Variants in PLA2G7 observed in about 807,000 individuals in gnomAD.
The protein encoded by PLA2G7 is phospholipase A2 group VII.
A neutral mutation model predicts 49.6 loss-of-function variants in PLA2G7; 63 were observed. The observed-to-expected ratio is 1.27, with a 90% CI of 1.04 to 1.57. The LOEUF (loss-of-function observed/expected upper bound fraction) is 1.57. Among genes scored for constraint, PLA2G7 ranks in the 40% most tolerant of loss-of-function variants. PLA2G7 has a pLI of 0.00. For missense variants in PLA2G7, 596 were observed against 521.2 expected, an observed-to-expected ratio of 1.14 and a Z score of -1.40; for synonymous variants, 193 against 169.9, an observed-to-expected ratio of 1.14 and a Z score of -1.06.
chr6:46,717,632 G>A (rs575716219), intron 2 of PLA2G7, among the ~76,000 whole-genome samples: 1 of 151,850 alleles, frequency 6.6e-6, no homozygotes, highest in East Asian at 1.9e-4. Flanking sequence ...CCAGAAACCT[G>A]GGAATCATCC....
intron 10 of PLA2G7, among the ~76,000 whole-genome samples, chr6:46,705,776 A>G (rs1027000895): frequency 1.3e-5 from 2 of 152,198 alleles, no homozygotes; most frequent in Admixed American, 6.5e-5. Context: ...CCAGTATTAA[A>G]CTGTAAGCAC....
chr6:46,712,888 G>C (rs532637000), intron 5 of PLA2G7, among the ~76,000 whole-genome samples: 1 of 152,188 alleles, frequency 6.6e-6, no homozygotes, highest in Non-Finnish European at 1.5e-5. Flanking sequence ...ACAAGAATGA[G>C]ACCTGCAGTC....
intron 2 of PLA2G7, among the ~76,000 whole-genome samples, chr6:46,721,142 G>A (rs1304317505): frequency 3.9e-5 from 6 of 152,122 alleles, no homozygotes; most frequent in Admixed American, 3.9e-4. Flanking sequence ...CTGGGTTCAA[G>A]CAATTCTCCT....
intron 2 of PLA2G7, among the ~76,000 whole-genome samples, chr6:46,721,071 C>T (rs544386357): frequency 5.9e-5 from 9 of 152,276 alleles, no homozygotes; most frequent in South Asian, 4.1e-4. Flanking sequence ...GACAGAGTCT[C>T]GCTCTGTAGC....
intron 2 of PLA2G7, among the ~76,000 whole-genome samples, chr6:46,719,915 AC>A (rs765412528): frequency 3.3e-5 from 5 of 152,092 alleles, no homozygotes; most frequent in Non-Finnish European, 7.4e-5. Context: ...AACCCCAGAA[AC>A]TTTTTTTTTA....
chr6:46,716,921 T>C (rs1582574184), intron 3 of PLA2G7, 54 bp downstream of exon 3: 6 of 1,573,132 alleles, frequency 3.8e-6, no homozygotes, highest in Non-Finnish European at 5.2e-6. Flanking sequence ...TAGTGGTCCA[T>C]AGCGACAGAC....
intron 1 of PLA2G7, 41 bp from the exon 2 acceptor site, chr6:46,722,966 G>T: frequency 1.2e-6 from 1 of 813,786 alleles, no homozygotes. Context: ...AGTATGCAAT[G>T]AAGAGGCCTT....
At chr6:46,711,802 G>A (rs1765033034) in intron 6 of PLA2G7, among the ~76,000 whole-genome samples, 183 bp from the exon 7 acceptor site, 1 of 151,942 alleles carries the variant, frequency 6.6e-6, no homozygotes, top group African/African-American at 2.4e-5. Context: ...AAACCTTATT[G>A]TCTATCATCA....
At chr6:46,724,672 T>G (rs1317767540) in intron 1 of PLA2G7, among the ~76,000 whole-genome samples, 2 of 152,216 alleles carry the variant, frequency 1.3e-5, no homozygotes, top group Non-Finnish European at 2.9e-5. Flanking sequence ...TTCCTTTCCC[T>G]GACACAGCAA....
At chr6:46,711,356 A>T (rs968309320) in intron 7 of PLA2G7, 140 bp downstream of exon 7, 2 of 950,022 alleles carry the variant, frequency 2.1e-6, no homozygotes, top group Non-Finnish European at 3.4e-6. Context: ...TGCTCCAGGA[A>T]TCTATTGACA....
chr6:46,717,253 T>C (rs979935516), intron 2 of PLA2G7, among the ~76,000 whole-genome samples, 157 bp from the exon 3 acceptor site: 2 of 152,226 alleles, frequency 1.3e-5, no homozygotes, highest in African/African-American at 4.8e-5. Flanking sequence ...GAGGGTCTGC[T>C]CTGTTTGAAA....
Position 46,704,263 on chromosome 6 carries a change from T to TCAG in PLA2G7, c.*296_*297insCTG, listed in dbSNP as rs1764706120. The TCAG allele has an allele frequency of 3.0e-4, 92 of 311,148 alleles. 1 individual carries two copies. The South Asian group carries it at 3.5e-3, about 12-fold the overall frequency. The allele number at this position is 311,148 out of a possible 1,614,324, so 19.3% of individuals were successfully genotyped here. On this transcript the variant is annotated 3_prime_UTR_variant, in exon 12 of 12. Coordinates refer to ENST00000274793, the MANE Select transcript of PLA2G7 (RefSeq NM_005084.4). The stretch of plus-strand genomic sequence containing the variant: ...TGTCAAAGTAATGTAAAAACAGTTT[T>TCAG]TAACTTCGACACTGAAAAGGAATCA...
rs371433471 is a variant in PLA2G7, at chr6:46,711,479, C to T, written c.663+17G>A. On this transcript the variant is annotated intron_variant, in intron 7 of 11. Transcript: ENST00000274793. ...GCTTTTAGGTCACCAACCACCTCTC[C>T]TTTCACTGCAATGTACCTGCTCATT... 1 of 1,613,114 alleles carries T rather than the reference C, an allele frequency of 6.2e-7. No homozygotes were observed. Among genetic ancestry groups the T allele is most frequent in the African/African-American group, 1.3e-5 (1 of 74,882 alleles).
intron 4 of PLA2G7, 102 bp downstream of exon 4, chr6:46,716,282 T>G: frequency 8.5e-7 from 1 of 1,177,152 alleles, no homozygotes; most frequent in Non-Finnish European, 1.3e-6. Context: ...CTATTTGGAC[T>G]GAAGAAAAAT....
intron 8 of PLA2G7, among the ~76,000 whole-genome samples, chr6:46,709,868 A>G (rs1472122311): frequency 6.6e-6 from 1 of 152,172 alleles, no homozygotes; most frequent in Non-Finnish European, 1.5e-5. Flanking sequence ...CAGTGGTACA[A>G]AGGAGCACAC....
At position 46,719,993 on chromosome 6, in the gene PLA2G7, A is replaced by G. The variant is rs558404429; in HGVS notation, c.109+2790T>C. 2.0e-4 allele frequency among the ~76,000 whole-genome samples: 30 copies of G among 152,324 alleles called. No homozygotes were observed. The South Asian group carries it at 2.5e-3, about 13-fold the overall frequency. ...TACAAAAGGCTCTTCTTCCATTAAA[A>G]GAGTATCTACTGAGCCATGCTTCTG... On this transcript the variant is annotated intron_variant, in intron 2 of 11. Transcript: ENST00000274793.
chr6:46,710,884 A>G (rs964492396), intron 7 of PLA2G7, among the ~76,000 whole-genome samples: 1 of 152,172 alleles, frequency 6.6e-6, no homozygotes, highest in African/African-American at 2.4e-5. Flanking sequence ...GTGACTTCAG[A>G]CGATTTACTT....
intron 9 of PLA2G7, among the ~76,000 whole-genome samples, chr6:46,708,456 A>G (rs1177777095): frequency 6.6e-6 from 1 of 152,224 alleles, no homozygotes; most frequent in Non-Finnish European, 1.5e-5. Flanking sequence ...AGAATACATA[A>G]TAATTTCTTC....
At chr6:46,706,662 C>T (rs1764841610) in intron 10 of PLA2G7, among the ~76,000 whole-genome samples, 1 of 152,144 alleles carries the variant, frequency 6.6e-6, no homozygotes, top group Non-Finnish European at 1.5e-5. Context: ...TAGAAGTAAG[C>T]ACATGCAATG....
Sources: allele counts gnomAD v4.1 joint callset (sites outside exome capture counted in the v4.1 genomes callset), GRCh38; gene constraint gnomAD v4.1.1; transcripts MANE v1.5; gene names NCBI Gene and HGNC (gene_info 2026-07-23, HGNC 2026-07-21).